CORO7: variants seen among roughly 807,000 people sequenced by gnomAD.
The protein encoded by CORO7 is coronin-7.
Under a neutral mutation model 126.6 loss-of-function variants are expected in CORO7, and 107 were observed. That is an observed-to-expected ratio of 0.85 (90% CI 0.72 to 0.99). The LOEUF (loss-of-function observed/expected upper bound fraction) is 0.99. Among genes scored for constraint, CORO7 ranks in the 50% least tolerant of loss-of-function variants. The probability of loss-of-function intolerance (pLI) is 0.00; values close to 1 mark genes in which losing one functional copy is unlikely to be tolerated. For synonymous variants in CORO7, 603 were observed against 536.8 expected (o/e 1.12, Z -1.70); for missense variants, 1,314 against 1,255.8 (o/e 1.05, Z -0.70).
intron 19 of CORO7, among the ~76,000 whole-genome samples, 163 bp downstream of exon 19, chr16:4,360,780 C>A (rs2054146530): frequency 2.7e-5 from 4 of 145,746 alleles, no homozygotes; most frequent in Admixed American, 1.4e-4. Context: ...TGCCCCTCCT[C>A]ACCACTGGCC....
intron 5 of CORO7, 90 bp from the exon 6 acceptor site, chr16:4,405,657 G>A (rs1330898901): frequency 2.0e-5 from 29 of 1,472,716 alleles, no homozygotes; most frequent in Non-Finnish European, 2.7e-5. Context: ...AACTCCCAGA[G>A]CAAAGGCAGC....
intron 16 of CORO7, chr16:4,361,687 C>T (rs1039845286): frequency 1.9e-5 from 15 of 790,230 alleles, no homozygotes; most frequent in East Asian, 2.7e-5. Flanking sequence ...CGTGAACTGG[C>T]GGGAAAAGCT....
In CORO7 at chr16:4,381,790, C is replaced by A. The variant is rs1567273429; in HGVS notation, c.785+6196G>T. On this transcript the variant is annotated intron_variant, in intron 9 of 27. Coordinates refer to ENST00000251166, the MANE Select transcript of CORO7 (RefSeq NM_024535.5). ...CCGCAACCCCTTCAACTGCGTGTGCCCCCTGAGCTGGTTTGGCCCCTGGGT... is the reference window on the plus strand; with the variant it reads ...CCGCAACCCCTTCAACTGCGTGTGCACCCTGAGCTGGTTTGGCCCCTGGGT... 1 of 1,600,616 alleles carries A rather than the reference C, an allele frequency of 6.2e-7. No individual in the cohort carries two copies. Among genetic ancestry groups the A allele is most frequent in the Non-Finnish European group, 8.5e-7 (1 of 1,179,312 alleles).
At chr16:4,397,015 C>CAAAAAAAA (rs1236918347) in intron 6 of CORO7, among the ~76,000 whole-genome samples, 1 of 120,156 alleles carries the variant, frequency 8.3e-6, no homozygotes, top group Admixed American at 8.6e-5. Flanking sequence ...GACTCAATCT[C>CAAAAAAAA]AAAAAAAAAA....
chr16:4,391,386 T>C (rs1427887206), intron 7 of CORO7, among the ~76,000 whole-genome samples: 1 of 152,094 alleles, frequency 6.6e-6, no homozygotes, highest in Non-Finnish European at 1.5e-5. Flanking sequence ...TGAAACCCCA[T>C]CTCTACCAAA....
At chr16:4,380,620 G>T (rs2054922078) in intron 9 of CORO7, among the ~76,000 whole-genome samples, 1 of 152,078 alleles carries the variant, frequency 6.6e-6, no homozygotes, top group Admixed American at 6.5e-5. Context: ...AGCAGTGCAT[G>T]GTCACTGCAC....
At chr16:4,379,404 G>A (rs1296004119) in intron 9 of CORO7, among the ~76,000 whole-genome samples, 1 of 152,072 alleles carries the variant, frequency 6.6e-6, no homozygotes, top group African/African-American at 2.4e-5. Context: ...TGCCTGACTT[G>A]GGCAGTGCAG....
Position 4,360,381 on chromosome 16 carries a change from G to C in CORO7, c.2023-18C>G, listed in dbSNP as rs376008667. 9.9e-6 allele frequency: 16 copies of C among 1,613,274 alleles called. No homozygotes were observed. Among genetic ancestry groups the C allele is most frequent in the African/African-American group, 1.3e-5 (1 of 74,912 alleles). On this transcript the variant is annotated intron_variant, in intron 20 of 27. Transcript: ENST00000251166. ...GGGCCTTCCTGTTGAGATACATCGCGTGACACCCAGCCAGCACCCCTGAAC... is the reference window on the plus strand; with the variant it reads ...GGGCCTTCCTGTTGAGATACATCGCCTGACACCCAGCCAGCACCCCTGAAC...
chr16:4,412,576 T>C (rs1166441736), intron 2 of CORO7, 146 bp from the exon 3 acceptor site: 2 of 770,820 alleles, frequency 2.6e-6, no homozygotes, highest in Non-Finnish European at 2.1e-6. Context: ...CCTCTGCACG[T>C]AGCAATGGCC....
chr16:4,381,581 T>C (rs777549156), intron 9 of CORO7: 22 of 1,603,184 alleles, frequency 1.4e-5, no homozygotes, highest in Middle Eastern at 1.7e-4. Flanking sequence ...CCACCTGTGA[T>C]CCGAGGCCTC....
chr16:4,415,867 AC>A, intron 1 of CORO7: 1 of 985,172 alleles, frequency 1.0e-6, no homozygotes, highest in Non-Finnish European at 1.2e-6. Flanking sequence ...CCCAGGCCCC[AC>A]CCAGCCGTGG....
At position 4,357,998 on chromosome 16, in the gene CORO7, G is replaced by C. The variant is rs778023615; in HGVS notation, c.2563C>G (p.Leu855Val). Reference protein sequence around the residue: ...LQGANGQPWLLSLQPPDMSPV... With the variant: ...LQGANGQPWLVSLQPPDMSPV... ...CTCATGTCAGGAGGCTGCAGGCTGA[G>C]AAGCCAGGGCTGCCCATTAGCGCCT... The change falls in exon 25 of 28, where the codon CTC (leucine) becomes GTC (valine). Residue 855 changes from leucine (L) to valine (V), a missense_variant. Transcript: ENST00000251166. The C allele has an allele frequency of 7.5e-6, 12 of 1,609,628 alleles. No homozygotes were observed. The highest frequency in any genetic ancestry group is 1.0e-5 in the Non-Finnish European group (12 of 1,176,708).
chr16:4,381,873 C>G, intron 9 of CORO7: 7 of 1,604,270 alleles, frequency 4.4e-6, no homozygotes, highest in Non-Finnish European at 5.9e-6. Context: ...ACTTCCCGCC[C>G]AAGAACGCTG....
Position 4,381,289 on chromosome 16 carries a change from C to T in CORO7, c.785+6697G>A, listed in dbSNP as rs760212012. The T allele has an allele frequency of 1.2e-6, 2 of 1,612,422 alleles. No homozygotes were observed. The highest frequency in any genetic ancestry group is 8.5e-7 in the Non-Finnish European group (1 of 1,179,790). Reference sequence around the variant, plus strand: ...CTACCTGGGCAAGAACCGCATCCGCCACATCCAGCCTGGTGCCTTCGACAC... The same window carrying T: ...CTACCTGGGCAAGAACCGCATCCGCTACATCCAGCCTGGTGCCTTCGACAC... On this transcript the variant is annotated intron_variant, in intron 9 of 27. Transcript: ENST00000251166.
chr16:4,361,169 C>A lies in CORO7; in HGVS notation c.1767G>T (p.Val589=). 2 of 1,613,062 alleles carry A rather than the reference C, an allele frequency of 1.2e-6. No individual in the cohort carries two copies. The highest frequency in any genetic ancestry group is 2.2e-5 in the South Asian group (2 of 91,080). ...TTCCTGAGCCTGCCTGACCTGTGAG[C>A]ACAGTCTCTGGCGTGGTGAGCACCT... ...LEEVLTTPET[V]LTGHTEKICS... Residue 589 remains valine, a synonymous_variant, in exon 18 of 28, where the codon GTG becomes GTT. Coordinates refer to ENST00000251166, the MANE Select transcript of CORO7 (RefSeq NM_024535.5).
In CORO7 at chr16:4,355,370, C is replaced by A; in HGVS notation, c.2688G>T (p.Leu896=). ...EKSDQQKKEE[L]LNAMVAKLGN... ...CCAGTTTTGCCACCATGGCATTCAG[C>A]AGCTGGGAGAGAGGGCAGAAGAAGG... Residue 896 remains leucine (L), a splice_region_variant and synonymous_variant, in exon 27 of 28, where the codon CTG becomes CTT. Transcript: ENST00000251166. 6.2e-7 allele frequency: 1 copy of A among 1,609,530 alleles called. No homozygotes were observed. The highest frequency in any genetic ancestry group is 8.5e-7 in the Non-Finnish European group (1 of 1,179,438).
intron 9 of CORO7, among the ~76,000 whole-genome samples, chr16:4,387,134 C>T (rs1567280547): frequency 6.6e-6 from 1 of 152,184 alleles, no homozygotes; most frequent in African/African-American, 2.4e-5. Context: ...CGGATGGAGT[C>T]CCTGTCTCTC....
At chr16:4,357,347 CT>C (rs1190040079) in intron 25 of CORO7, 88 bp from the exon 26 acceptor site, 15 of 957,186 alleles carry the variant, frequency 1.6e-5, no homozygotes, top group Non-Finnish European at 2.0e-5. Flanking sequence ...TCTTTCTTTT[CT>C]TTCTTTCTTT....
In CORO7 at chr16:4,381,523, C is replaced by T. The variant is rs1457042953; in HGVS notation, c.785+6463G>A. 2.2e-5 allele frequency: 36 copies of T among 1,600,452 alleles called. No homozygotes were observed. Among genetic ancestry groups the T allele is most frequent in the Non-Finnish European group, 2.9e-5 (34 of 1,174,818 alleles). On this transcript the variant is annotated intron_variant, in intron 9 of 27. Coordinates refer to ENST00000251166, the MANE Select transcript of CORO7 (RefSeq NM_024535.5). ...GGACGAGGGGCTCTTCAGCCGCTTG[C>T]GCAACCTCCACGACCTGGATGTGTC...
Sources: gnomAD v4.1 joint callset for allele counts (sites outside exome capture counted in the v4.1 genomes callset) on GRCh38, gnomAD v4.1.1 for gene constraint, MANE v1.5 for transcripts, NCBI Gene and HGNC (gene_info 2026-07-23, HGNC 2026-07-21) for gene names.